Variants in TMEM232 observed in about 807,000 individuals in gnomAD.
TMEM232 encodes transmembrane protein 232.
TMEM232 carries 80 observed loss-of-function variants against 78.8 expected under a neutral mutation model. That is an observed-to-expected ratio of 1.01 (90% CI 0.85 to 1.22). The LOEUF is 1.22. Ranked by LOEUF, TMEM232 falls within the 50% of genes most tolerant of loss-of-function variation. The pLI is 0.00. For synonymous variants in TMEM232, 297 were observed against 254.3 expected, an observed-to-expected ratio of 1.17 and a Z score of -1.60; for missense variants, 881 against 742.2, an observed-to-expected ratio of 1.19 and a Z score of -2.17.
chr5:110,422,253 C>T lies in TMEM232; in HGVS notation c.1798-1497G>A, dbSNP rs551920169. ...CATTATTTTGTTTTTTAGGCTCAAA[C>T]GCCTGTAATCCCAGCACTTTGGGAG... On this transcript the variant is annotated intron_variant, in intron 13 of 13. Transcript: ENST00000455884. Among the ~76,000 whole-genome samples, 308 of 152,082 alleles carry T rather than the reference C, an allele frequency of 2.0e-3. 2 individuals are homozygous for T. The highest frequency in any genetic ancestry group is 3.4e-3 in the Middle Eastern group (1 of 294).
rs572616591 is a variant in TMEM232, at chr5:110,667,200, T to G, written c.125+28A>C. ...TTTTCTAAATTCTCTACAATACATA[T>G]GGGTCCTATAATTATTTTCTAGCTT... On this transcript the variant is annotated intron_variant, in intron 2 of 13. Coordinates refer to ENST00000455884, the MANE Select transcript of TMEM232 (RefSeq NM_001039763.4). 41 of 1,509,830 alleles carry G rather than the reference T, an allele frequency of 2.7e-5. No homozygotes were observed. In the South Asian group the frequency reaches 5.1e-4, roughly 19 times the overall value. 93.5% of individuals were successfully genotyped at this position (1,509,830 alleles called of 1,614,324 possible). A position where few individuals can be genotyped will look rare whatever the true frequency, so the allele number is the denominator to read the frequency against.
At chr5:110,702,914 T>C (rs1034950420) in intron 1 of TMEM232, among the ~76,000 whole-genome samples, 2 of 152,046 alleles carry the variant, frequency 1.3e-5, no homozygotes, top group South Asian at 2.1e-4. Flanking sequence ...GCTCATGACC[T>C]TGGAATGTTA....
intron 12 of TMEM232, among the ~76,000 whole-genome samples, chr5:110,465,207 T>C (rs941248190): frequency 1.3e-5 from 2 of 152,258 alleles, no homozygotes; most frequent in African/African-American, 2.4e-5. Context: ...TTAGACTGTT[T>C]AGAAAGCTGT....
At chr5:110,705,424 A>T (rs1795828084) in intron 1 of TMEM232, among the ~76,000 whole-genome samples, 1 of 152,102 alleles carries the variant, frequency 6.6e-6, no homozygotes, top group African/African-American at 2.4e-5. Flanking sequence ...AAGGGTTGGA[A>T]GCTGCATGGA....
intron 1 of TMEM232, among the ~76,000 whole-genome samples, chr5:110,711,398 T>C (rs965527731): frequency 6.6e-6 from 1 of 152,040 alleles, no homozygotes; most frequent in African/African-American, 2.4e-5. Context: ...TTCAGAGTAA[T>C]AGAAAAAAAC....
intron 8 of TMEM232, among the ~76,000 whole-genome samples, chr5:110,616,873 T>G (rs906845509): frequency 6.6e-6 from 1 of 152,026 alleles, no homozygotes; most frequent in Admixed American, 6.6e-5. Flanking sequence ...AGTATGGAGA[T>G]TCCTTGAAAA....
intron 7 of TMEM232, among the ~76,000 whole-genome samples, chr5:110,620,182 C>T (rs185871925): frequency 6.6e-6 from 1 of 152,128 alleles, no homozygotes; most frequent in Admixed American, 6.5e-5. Flanking sequence ...TTTTACACAT[C>T]GTGGAGAAAT....
chr5:110,423,840 ACTG>A (rs1339463975), intron 13 of TMEM232, among the ~76,000 whole-genome samples: 5 of 151,482 alleles, frequency 3.3e-5, no homozygotes, highest in Non-Finnish European at 5.9e-5. Context: ...ATGTTGGCAA[ACTG>A]CTATTTCATA....
At chr5:110,709,978 A>G (rs1032170463) in intron 1 of TMEM232, among the ~76,000 whole-genome samples, 1 of 152,070 alleles carries the variant, frequency 6.6e-6, no homozygotes, top group African/African-American at 2.4e-5. Flanking sequence ...AATTACCATG[A>G]AAGCCAGTTT....
chr5:110,667,372 G>A lies in TMEM232; in HGVS notation c.-12-8C>T, dbSNP rs1790729188. ...ATTCATAAATCATAAATTCTAAAAG[G>A]AATATTAAATGTATGTTAGCATACA... is the stretch of plus-strand genomic sequence containing the variant. On this transcript the variant is annotated splice_polypyrimidine_tract_variant and splice_region_variant and intron_variant, in intron 1 of 13. Transcript: ENST00000455884. 2 of 1,478,466 alleles carry A rather than the reference G, an allele frequency of 1.4e-6. No individual in the cohort carries two copies. The highest frequency in any genetic ancestry group is 1.4e-5 in the African/African-American group (1 of 69,358). 91.6% of individuals were successfully genotyped at this position (1,478,466 alleles called of 1,614,324 possible).
At chr5:110,724,248 C>T (rs115885329) in intron 1 of TMEM232, among the ~76,000 whole-genome samples, 1 of 152,248 alleles carries the variant, frequency 6.6e-6, no homozygotes, top group East Asian at 1.9e-4. Context: ...TCTTCATATT[C>T]TCACCTCTCT....
intron 12 of TMEM232, among the ~76,000 whole-genome samples, chr5:110,525,167 AG>A (rs747516654): frequency 9.2e-4 from 139 of 151,628 alleles, no homozygotes; most frequent in Non-Finnish European, 1.6e-3. Context: ...CGTAACAATA[AG>A]AAAAAAAAAA....
intron 12 of TMEM232, among the ~76,000 whole-genome samples, chr5:110,507,016 T>C (rs974517483): frequency 6.6e-6 from 1 of 152,170 alleles, no homozygotes; most frequent in Non-Finnish European, 1.5e-5. Flanking sequence ...AAGGCTAAAG[T>C]TACTGCTTAC....
chr5:110,585,219 A>AG (rs1778668205), intron 10 of TMEM232, among the ~76,000 whole-genome samples: 2 of 152,172 alleles, frequency 1.3e-5, no homozygotes, highest in Admixed American at 6.6e-5. Context: ...CCAACCATAC[A>AG]AGGGAATAAA....
At chr5:110,705,299 G>A (rs1472362606) in intron 1 of TMEM232, among the ~76,000 whole-genome samples, 1 of 152,082 alleles carries the variant, frequency 6.6e-6, no homozygotes, top group Non-Finnish European at 1.5e-5. Flanking sequence ...TGCCATAGGG[G>A]CAGGACTTAG....
chr5:110,597,930 T>C (rs1198059937), intron 10 of TMEM232, among the ~76,000 whole-genome samples: 1 of 152,198 alleles, frequency 6.6e-6, no homozygotes, highest in African/African-American at 2.4e-5. Flanking sequence ...ACCTAGGCAT[T>C]ACCATTCAGG....
intron 5 of TMEM232, among the ~76,000 whole-genome samples, chr5:110,636,178 T>C (rs1443325994): frequency 6.6e-6 from 1 of 151,986 alleles, no homozygotes; most frequent in Non-Finnish European, 1.5e-5. Context: ...AAAAACCACA[T>C]GTTCTCACTC....
intron 11 of TMEM232, 102 bp from the exon 12 acceptor site, chr5:110,528,937 C>A (rs1204068730): frequency 1.9e-6 from 2 of 1,053,694 alleles, no homozygotes. Context: ...TTTTCTTTGA[C>A]TAATATTGCA....
At chr5:110,506,782 TG>T (rs1408879744) in intron 12 of TMEM232, among the ~76,000 whole-genome samples, 1 of 152,216 alleles carries the variant, frequency 6.6e-6, no homozygotes, top group Non-Finnish European at 1.5e-5. Flanking sequence ...TCTCTGACTG[TG>T]GGAAGGAGAT....
Sources: allele counts gnomAD v4.1 joint callset (sites outside exome capture counted in the v4.1 genomes callset), GRCh38; gene constraint gnomAD v4.1.1; transcripts MANE v1.5; gene names NCBI Gene and HGNC (gene_info 2026-07-23, HGNC 2026-07-21).